Variants in GDAP1 observed in about 807,000 individuals in gnomAD.
The protein encoded by GDAP1 is ganglioside-induced differentiation-associated protein 1.
A neutral mutation model predicts 40.1 loss-of-function variants in GDAP1; 34 were observed. The ratio of observed to expected loss-of-function variants is 0.85; its 90% CI spans 0.64 to 1.13. The LOEUF (loss-of-function observed/expected upper bound fraction) is 1.13. Ranked by LOEUF, GDAP1 falls within the 50% of genes most tolerant of loss-of-function variation. The pLI, the probability that GDAP1 is intolerant of heterozygous loss-of-function variation, is 0.00. For synonymous variants in GDAP1, 170 were observed against 157.4 expected (o/e 1.08, Z -0.60); for missense variants, 374 against 433.7 (o/e 0.86, Z 1.22).
intron 2 of GDAP1, among the ~76,000 whole-genome samples, chr8:74,407,663 T>A (rs1433555584): frequency 1.3e-5 from 2 of 148,924 alleles, no homozygotes; most frequent in Non-Finnish European, 2.9e-5. Flanking sequence ...CATTCATATA[T>A]CTATATATTC....
Position 74,350,467 on chromosome 8 carries a change from T to A in GDAP1, c.6T>A (p.Ala2=), listed in dbSNP as rs1563436826. The A allele has an allele frequency of 6.2e-7, 1 of 1,606,834 alleles. No individual in the cohort carries two copies. Among genetic ancestry groups the A allele is most frequent in the Non-Finnish European group, 8.5e-7 (1 of 1,174,230 alleles). The change falls in exon 1 of 6, where the codon GCT becomes GCA. Residue 2 remains alanine, a synonymous_variant. Transcript: ENST00000220822. ...CCGTGCTCGCGCACCCCAAGATGGC[T>A]GAGAGGCAGGAAGAGCAGAGAGGGA... M[A]ERQEEQRGSP...
chr8:74,359,609 T>A (rs1274040903), intron 2 of GDAP1, among the ~76,000 whole-genome samples: 2 of 152,222 alleles, frequency 1.3e-5, no homozygotes, highest in African/African-American at 2.4e-5. Flanking sequence ...AGCCCCTGAT[T>A]ATCTTTCCAT....
At position 74,428,961 on chromosome 8, in the gene GDAP1, G is replaced by A. The variant is rs552471699; in HGVS notation, c.166-59717G>A. ...TTCCCACCTATGAGTGAGAACATGCGGTGTTTGGTTTTTTGTCCTTGCGAT... is the reference window on the plus strand; with the variant it reads ...TTCCCACCTATGAGTGAGAACATGCAGTGTTTGGTTTTTTGTCCTTGCGAT... On this transcript the variant is annotated intron_variant, in intron 2 of 2. Coordinates refer to the GDAP1 transcript ENST00000523640. Among the ~76,000 whole-genome samples the A allele has an allele frequency of 2.7e-3, 402 of 148,644 alleles. 1 individual carries two copies. Among genetic ancestry groups the A allele is most frequent in the African/African-American group, 9.5e-3 (384 of 40,248 alleles).
intron 2 of GDAP1, chr8:74,376,541 G>C (rs943808544): frequency 3.9e-5 from 6 of 152,210 alleles, no homozygotes; most frequent in Non-Finnish European, 7.3e-5. Context: ...AGTAGAGACA[G>C]GGTTTCACTG....
chr8:74,405,868 T>C (rs1805630764), intron 2 of GDAP1, among the ~76,000 whole-genome samples: 2 of 149,736 alleles, frequency 1.3e-5, no homozygotes, highest in South Asian at 4.1e-4. Context: ...TGGAGGCCAG[T>C]CATTAATATG....
intron 2 of GDAP1, among the ~76,000 whole-genome samples, chr8:74,453,940 AAC>A (rs59331820): frequency 0.7 from 41,546 of 59,046 alleles, 18,979 homozygotes; most frequent in East Asian, 0.92. Flanking sequence ...TTCTGAAGAA[AAC>A]ACACACACAC....
downstream of GDAP1, chr8:74,367,030 T>C (rs1809667799): frequency 7.4e-6 from 2 of 269,926 alleles, no homozygotes; most frequent in Non-Finnish European, 1.5e-5. Flanking sequence ...ACAAAATTGC[T>C]GACTCTTGCT....
Position 74,451,001 on chromosome 8 carries a change from G to C in GDAP1, c.166-37677G>C. 2.5e-5 allele frequency among the ~76,000 whole-genome samples: 2 copies of C among 81,606 alleles called. 1 individual carries two copies. 53.5% of individuals were successfully genotyped at this position (81,606 alleles called of 152,430 possible). On this transcript the variant is annotated intron_variant, in intron 2 of 2. Transcript: ENST00000523640. ...TACCAATGCCTCTTTGCTGATTGGA[G>C]TTAATATTTTACTGACTTCATTTAA... is the stretch of plus-strand genomic sequence containing the variant.
rs1172815782 is a variant in GDAP1 at position 74,365,813 on chromosome 8, A to C, written c.*1446A>C. 1 of 454,232 alleles carries C rather than the reference A, an allele frequency of 2.2e-6. No individual in the cohort carries two copies. The highest frequency in any genetic ancestry group is 1.6e-5 in the South Asian group (1 of 64,332). The allele number at this position is 454,232 out of a possible 1,614,324, so 28.1% of individuals were successfully genotyped here. A position where few individuals can be genotyped will look rare whatever the true frequency, so the allele number is the denominator to read the frequency against. ...ACAAAAAAATTAATAAAACCTCCAG[A>C]GTAAACTCAGTCAAACAATAATTGA... On this transcript the variant is annotated 3_prime_UTR_variant, in exon 6 of 6. Coordinates refer to ENST00000220822, the MANE Select transcript of GDAP1 (RefSeq NM_018972.4).
intron 2 of GDAP1, among the ~76,000 whole-genome samples, chr8:74,467,269 G>GC (rs1586843733): frequency 6.6e-6 from 1 of 152,274 alleles, no homozygotes; most frequent in East Asian, 1.9e-4. Context: ...TCATTGGCGA[G>GC]CATCATTGCT....
chr8:74,477,474 T>A (rs557296047), intron 2 of GDAP1, among the ~76,000 whole-genome samples: 11 of 152,142 alleles, frequency 7.2e-5, no homozygotes, highest in African/African-American at 1.9e-4. Flanking sequence ...TTTTTTTTTT[T>A]AATTCTATTT....
intron 2 of GDAP1, among the ~76,000 whole-genome samples, chr8:74,401,190 C>T (rs1159008880): frequency 3.1e-4 from 46 of 149,298 alleles, no homozygotes; most frequent in Admixed American, 2.6e-4. Flanking sequence ...TCGGGTACAC[C>T]AATCAGACGT....
At chr8:74,371,865 C>G (rs367559219), downstream of GDAP1, among the ~76,000 whole-genome samples, 1 of 151,784 alleles carries the variant, frequency 6.6e-6, no homozygotes, top group Non-Finnish European at 1.5e-5. Context: ...TGTTGGTGTG[C>G]TGCACCCATT....
At chr8:74,402,325 A>T (rs1319807987) in intron 2 of GDAP1, among the ~76,000 whole-genome samples, 5 of 150,346 alleles carry the variant, frequency 3.3e-5, no homozygotes, top group Non-Finnish European at 5.9e-5. Context: ...GCTAGCAATC[A>T]GCGAGACTCC....
At chr8:74,473,676 G>A (rs1467204737) in intron 2 of GDAP1, among the ~76,000 whole-genome samples, 1 of 151,956 alleles carries the variant, frequency 6.6e-6, no homozygotes, top group African/African-American at 2.4e-5. Flanking sequence ...GTCTGTTTTT[G>A]TACCACTGCC....
At chr8:74,393,147 G>A (rs188570901) in intron 2 of GDAP1, among the ~76,000 whole-genome samples, 2 of 152,218 alleles carry the variant, frequency 1.3e-5, no homozygotes, top group East Asian at 3.9e-4. Context: ...TAATAACAAT[G>A]AGAATTTATT....
At chr8:74,484,821 C>T (rs891204146) in intron 2 of GDAP1, among the ~76,000 whole-genome samples, 2 of 152,090 alleles carry the variant, frequency 1.3e-5, no homozygotes, top group African/African-American at 4.8e-5. Context: ...TAAACCTAGT[C>T]ATCTTGATTC....
intron 2 of GDAP1, among the ~76,000 whole-genome samples, chr8:74,474,802 C>A (rs1377785313): frequency 1.3e-5 from 2 of 152,128 alleles, no homozygotes; most frequent in Non-Finnish European, 1.5e-5. Context: ...ATGATGATGG[C>A]CTTATAGAAT....
At chr8:74,444,127 T>A (rs939988060) in intron 2 of GDAP1, among the ~76,000 whole-genome samples, 5 of 151,266 alleles carry the variant, frequency 3.3e-5, no homozygotes, top group African/African-American at 1.2e-4. Flanking sequence ...TAAAGTTGAA[T>A]AAGATGAAAA....
Sources: gnomAD v4.1 joint callset for allele counts (sites outside exome capture counted in the v4.1 genomes callset) on GRCh38, gnomAD v4.1.1 for gene constraint, MANE v1.5 for transcripts, NCBI Gene and HGNC (gene_info 2026-07-23, HGNC 2026-07-21) for gene names.